The following C4orf50 variants were observed in gnomAD, a reference collection of about 807,000 sequenced individuals.
C4orf50 encodes the protein uncharacterized protein C4orf50.
Under a neutral mutation model 77.2 loss-of-function variants are expected in C4orf50, and 80 were observed. That is an observed-to-expected ratio of 1.04 (90% CI 0.87 to 1.25). The LOEUF (loss-of-function observed/expected upper bound fraction) is 1.25, where lower values mean the gene tolerates loss of function less well. Ranked by LOEUF, C4orf50 falls within the 50% of genes most tolerant of loss-of-function variation. The pLI is 0.00. For missense variants in C4orf50, 1,257 were observed against 1,152.9 expected, an observed-to-expected ratio of 1.09 and a Z score of -1.31; for synonymous variants, 532 against 465.3, an observed-to-expected ratio of 1.14 and a Z score of -1.84.
intron 28 of C4orf50, among the ~76,000 whole-genome samples, chr4:5,984,497 A>C (rs1037378192): frequency 7.2e-5 from 11 of 152,352 alleles, no homozygotes; most frequent in African/African-American, 2.4e-4. Context: ...GTACAGATGG[A>C]CTATTTCAAC....
intron 30 of C4orf50, 68 bp from the exon 9 acceptor site, chr4:5,973,909 G>A: frequency 7.6e-7 from 1 of 1,320,384 alleles, no homozygotes; most frequent in Non-Finnish European, 1.0e-6. Flanking sequence ...GGAGGGCTGG[G>A]GGCCGGAGGG....
chr4:5,990,014 T>A, exon 28 of C4orf50: 1 of 1,391,934 alleles, frequency 7.2e-7, no homozygotes, highest in Non-Finnish European at 9.3e-7. Flanking sequence ...GGCTCTTTGG[T>A]CTCATGAGCC....
intron 28 of C4orf50, among the ~76,000 whole-genome samples, chr4:5,987,423 A>AAAAAAAAAAAAAG (rs1720932488): frequency 6.7e-6 from 1 of 149,756 alleles, no homozygotes; most frequent in Admixed American, 6.7e-5. Context: ...AAAAAAAAAA[A>AAAAAAAAAAAAAG]AAAAAAAAAA....
At chr4:5,911,942 A>G (rs1716824380) in intron 7 of C4orf50, among the ~76,000 whole-genome samples, 1 of 152,144 alleles carries the variant, frequency 6.6e-6, no homozygotes, top group African/African-American at 2.4e-5. Context: ...GCTACTTGGG[A>G]GGCTGAGGCG....
At chr4:5,921,431 G>A (rs932635756) in intron 7 of C4orf50, among the ~76,000 whole-genome samples, 8 of 152,204 alleles carry the variant, frequency 5.3e-5, no homozygotes, top group East Asian at 1.9e-4. Flanking sequence ...ATATGTAGAC[G>A]GTGGCACATG....
intron 7 of C4orf50, among the ~76,000 whole-genome samples, chr4:5,928,414 G>A (rs142622695): frequency 1.8e-3 from 271 of 151,530 alleles, no homozygotes; most frequent in African/African-American, 6.2e-3. Context: ...AAGATACCTC[G>A]GACAGCAGCA....
chr4:5,973,827 G>A (rs777578965), exon 31 of C4orf50: 1 of 1,612,016 alleles, frequency 6.2e-7, no homozygotes, highest in Non-Finnish European at 8.5e-7. Flanking sequence ...TCCGGACGAG[G>A]GAAGCTATCT....
intron 7 of C4orf50, among the ~76,000 whole-genome samples, chr4:5,933,731 A>G (rs1277770832): frequency 6.6e-6 from 1 of 152,134 alleles, no homozygotes; most frequent in African/African-American, 2.4e-5. Flanking sequence ...GGCTAGGCAT[A>G]GCAAGGTCCC....
At chr4:5,920,107 T>C (rs4482700) in intron 7 of C4orf50, among the ~76,000 whole-genome samples, 51,917 of 152,212 alleles carry the variant, frequency 0.34, 11,259 homozygotes, top group East Asian at 0.77. Context: ...CGTGCCATTT[T>C]CTAACAAGGA....
chr4:5,954,852 G>A (rs1412940632), downstream of C4orf50, among the ~76,000 whole-genome samples: 1 of 152,150 alleles, frequency 6.6e-6, no homozygotes, highest in Non-Finnish European at 1.5e-5. The surrounding 1 kb of genome is among the most constrained non-coding windows in gnomAD (Gnocchi z 4.7). Context: ...AAGGACCAGA[G>A]ATGCTGGTTG....
chr4:5,961,738 T>C (rs7434820), intron 33 of C4orf50, among the ~76,000 whole-genome samples: 101,955 of 152,102 alleles, frequency 0.67, 35,000 homozygotes, highest in African/African-American at 0.75. Flanking sequence ...GCTAATGATA[T>C]AGAGGGCGAA....
chr4:5,930,740 C>T (rs1021847194), intron 7 of C4orf50, among the ~76,000 whole-genome samples: 3 of 152,182 alleles, frequency 2.0e-5, no homozygotes, highest in African/African-American at 4.8e-5. Flanking sequence ...TTACAGTTTA[C>T]AGTGTTGCAC....
intron 28 of C4orf50, among the ~76,000 whole-genome samples, chr4:5,986,297 A>G (rs1720851730): frequency 6.6e-6 from 1 of 152,238 alleles, no homozygotes; most frequent in Admixed American, 6.5e-5. Context: ...AATATACTGT[A>G]TATTTTCTGA....
chr4:5,975,139 CAAAAAAAAAAAAAAAAAAAA>C (rs763836859), intron 30 of C4orf50, among the ~76,000 whole-genome samples: 19 of 82,832 alleles, frequency 2.3e-4, no homozygotes, highest in Non-Finnish European at 2.6e-4. Flanking sequence ...CACTCCATCT[CAAAAAAAAAAAAAAAAAAAA>C]AAAAAAAAAA....
At chr4:5,982,243 G>A (rs961490436) in intron 28 of C4orf50, among the ~76,000 whole-genome samples, 11 of 152,002 alleles carry the variant, frequency 7.2e-5, no homozygotes, top group East Asian at 3.9e-4. Flanking sequence ...CCAGAGCTTC[G>A]TCTCATGGGT....
At chr4:5,972,803 C>T (rs1295950634) in intron 31 of C4orf50, among the ~76,000 whole-genome samples, 3 of 152,150 alleles carry the variant, frequency 2.0e-5, no homozygotes, top group African/African-American at 4.8e-5. Flanking sequence ...CTGGCGGGGG[C>T]GTTGCTGGCT....
intron 25 of C4orf50, among the ~76,000 whole-genome samples, chr4:5,997,230 T>C (rs1046098294): frequency 6.6e-6 from 1 of 152,214 alleles, no homozygotes; most frequent in Non-Finnish European, 1.5e-5. Context: ...TTTTTTGGAT[T>C]GTTATCATAC....
chr4:6,010,905 A>G (rs950833329), intron 24 of C4orf50, among the ~76,000 whole-genome samples: 2 of 152,256 alleles, frequency 1.3e-5, no homozygotes, highest in African/African-American at 4.8e-5. Flanking sequence ...GTATCAACTT[A>G]GCCCACACAA....
chr4:5,936,744 C>G (rs972930911), intron 7 of C4orf50, among the ~76,000 whole-genome samples: 7 of 151,546 alleles, frequency 4.6e-5, no homozygotes, highest in Non-Finnish European at 8.8e-5. Flanking sequence ...TTCAGAAATG[C>G]TGAAAGATAC....
Sources: gnomAD v4.1 joint callset for allele counts (sites outside exome capture counted in the v4.1 genomes callset) on GRCh38, gnomAD v4.1.1 for gene constraint, Gnocchi (gnomAD v3.1) non-coding constraint, MANE v1.5 for transcripts, NCBI Gene and HGNC (gene_info 2026-07-23, HGNC 2026-07-21) for gene names.